Variants in DEPTOR observed in about 807,000 individuals in gnomAD.
The protein encoded by DEPTOR is DEP domain-containing mTOR-interacting protein.
In DEPTOR, 41 loss-of-function variants were observed where a neutral mutation model predicts 41.6. The ratio of observed to expected loss-of-function variants is 0.98; its 90% confidence interval spans 0.77 to 1.28. DEPTOR has a LOEUF of 1.28. DEPTOR is among the 50% of genes most tolerant of loss of function. DEPTOR has a pLI of 0.00. For missense variants in DEPTOR, 514 were observed against 527.9 expected (o/e 0.97, Z 0.26); for synonymous variants, 195 against 192.3 (o/e 1.01, Z -0.12).
chr8:119,928,383 G>C lies in DEPTOR; in HGVS notation c.123-17G>C. The C allele has an allele frequency of 6.2e-7, 1 of 1,605,044 alleles. No homozygotes were observed. The highest frequency in any genetic ancestry group is 8.5e-7 in the Non-Finnish European group (1 of 1,175,940). On this transcript the variant is annotated splice_polypyrimidine_tract_variant and intron_variant, in intron 1 of 8. Transcript: ENST00000286234. ...TGTCATCAGAATTTCCAAAGTAATT[G>C]CTAATTTTTCTTTCAGGCTCAGGCT...
At position 119,929,860 on chromosome 8, in the gene DEPTOR, G is replaced by T; in HGVS notation, c.347G>T (p.Arg116Leu). The change falls in exon 3 of 9, where the codon CGC becomes CTC. Residue 116 changes from arginine (R) to leucine (L), a missense_variant. Arg to Leu is a moderately radical substitution (Grantham distance 102, BLOSUM62 -2). Coordinates refer to ENST00000286234, the MANE Select transcript of DEPTOR (RefSeq NM_022783.4). ...KEFKDVKLFY[R>L]FRKDDGTFPL... ...TTCAAGGATGTCAAACTCTTCTACCGCTTTAGAAAGGATGACGGCACCTTC... is the reference window on the plus strand; with the variant it reads ...TTCAAGGATGTCAAACTCTTCTACCTCTTTAGAAAGGATGACGGCACCTTC... 6.2e-7 allele frequency: 1 copy of T among 1,613,784 alleles called. No homozygotes were observed. The highest frequency in any genetic ancestry group is 8.5e-7 in the Non-Finnish European group (1 of 1,179,808).
chr8:119,906,618 C>A (rs2129770000), intron 1 of DEPTOR, among the ~76,000 whole-genome samples: 1 of 152,272 alleles, frequency 6.6e-6, no homozygotes, highest in African/African-American at 2.4e-5. Flanking sequence ...CTGCTGTATA[C>A]CCCTTGTCTA....
At chr8:120,029,465 G>A (rs1318425628) in intron 8 of DEPTOR, among the ~76,000 whole-genome samples, 3 of 151,792 alleles carry the variant, frequency 2.0e-5, no homozygotes, top group Admixed American at 6.6e-5. Flanking sequence ...GCATGATCTC[G>A]GCTCACTGCA....
intron 3 of DEPTOR, among the ~76,000 whole-genome samples, chr8:119,954,195 G>A (rs753620380): frequency 2.1e-4 from 32 of 151,284 alleles, no homozygotes; most frequent in Non-Finnish European, 4.3e-4. Flanking sequence ...CCAGACTGGA[G>A]CACAGTGGTG....
intron 2 of DEPTOR, 143 bp downstream of exon 2, chr8:119,928,721 C>A: frequency 3.9e-5 from 26 of 668,462 alleles, no homozygotes; most frequent in Non-Finnish European, 5.7e-5. Context: ...CTTCCTGCCT[C>A]TAAGAGGCAT....
chr8:119,953,055 G>A (rs1828373802), intron 3 of DEPTOR, among the ~76,000 whole-genome samples: 1 of 152,100 alleles, frequency 6.6e-6, no homozygotes, highest in Non-Finnish European at 1.5e-5. Context: ...CAATAGCATA[G>A]TACTTAAAAA....
At chr8:120,042,580 A>C (rs1171137061) in intron 8 of DEPTOR, among the ~76,000 whole-genome samples, 1 of 152,096 alleles carries the variant, frequency 6.6e-6, no homozygotes, top group Non-Finnish European at 1.5e-5. Flanking sequence ...GTGCAATGGC[A>C]CTATCTCGGC....
chr8:119,889,674 A>AGGGGGGG (rs1563957808), intron 1 of DEPTOR, among the ~76,000 whole-genome samples: 2 of 13,882 alleles, frequency 1.4e-4, no homozygotes, highest in Non-Finnish European at 3.2e-4. Context: ...GGGAGGGGAG[A>AGGGGGGG]GGAGGGGAGG....
At chr8:120,040,849 C>T (rs1379393975) in intron 8 of DEPTOR, among the ~76,000 whole-genome samples, 1 of 152,150 alleles carries the variant, frequency 6.6e-6, no homozygotes. Flanking sequence ...CAAATGAGTG[C>T]TCTACTTGAT....
intron 3 of DEPTOR, among the ~76,000 whole-genome samples, chr8:119,936,014 T>TA (rs1188647742): frequency 6.6e-6 from 1 of 151,434 alleles, no homozygotes; most frequent in Non-Finnish European, 1.5e-5. Context: ...TTTTTTTTTT[T>TA]TTTTTATCCA....
At chr8:119,888,689 C>G (rs946031450) in intron 1 of DEPTOR, among the ~76,000 whole-genome samples, 1 of 151,958 alleles carries the variant, frequency 6.6e-6, no homozygotes, top group Non-Finnish European at 1.5e-5. Context: ...AACCCCGTCT[C>G]TACTAAAAAT....
intron 4 of DEPTOR, among the ~76,000 whole-genome samples, chr8:119,969,151 A>G (rs193196576): frequency 2.0e-4 from 30 of 152,146 alleles, no homozygotes; most frequent in African/African-American, 6.7e-4. Flanking sequence ...CTCTTATACT[A>G]TGATGTACTG....
chr8:120,030,495 C>T (rs1425221704), intron 8 of DEPTOR, among the ~76,000 whole-genome samples: 2 of 37,098 alleles, frequency 5.4e-5, no homozygotes, highest in Admixed American at 7.7e-4. Context: ...GTAGGTTCAT[C>T]AGTTTTTTTT....
intron 1 of DEPTOR, among the ~76,000 whole-genome samples, chr8:119,913,401 C>G (rs1827769834): frequency 6.6e-6 from 1 of 152,158 alleles, no homozygotes; most frequent in Non-Finnish European, 1.5e-5. Context: ...GGCATTTTCA[C>G]TGGTTTACAG....
chr8:119,894,642 C>T (rs1827493067), intron 1 of DEPTOR, among the ~76,000 whole-genome samples: 2 of 152,058 alleles, frequency 1.3e-5, no homozygotes, highest in African/African-American at 4.8e-5. Context: ...ATGATCTGCC[C>T]ACCTCTGCCT....
chr8:119,932,452 C>T (rs1828057296), intron 3 of DEPTOR, among the ~76,000 whole-genome samples: 1 of 152,206 alleles, frequency 6.6e-6, no homozygotes, highest in South Asian at 2.1e-4. Flanking sequence ...TTCTAGAAAG[C>T]AGACTTACTC....
chr8:119,904,168 A>T (rs377331803), intron 1 of DEPTOR, among the ~76,000 whole-genome samples: 4 of 150,938 alleles, frequency 2.7e-5, no homozygotes, highest in African/African-American at 7.3e-5. Context: ...CCCAGGTTGG[A>T]GTACAGTGGC....
At chr8:120,036,109 A>G (rs1337606541) in intron 8 of DEPTOR, among the ~76,000 whole-genome samples, 2 of 152,166 alleles carry the variant, frequency 1.3e-5, no homozygotes, top group Non-Finnish European at 2.9e-5. Context: ...GTACACCACA[A>G]TCACCCTGTG....
chr8:119,884,646 G>C (rs1262408506), intron 1 of DEPTOR, among the ~76,000 whole-genome samples: 4 of 151,128 alleles, frequency 2.6e-5, no homozygotes, highest in African/African-American at 9.7e-5. Context: ...TACTTAAAAT[G>C]CAAGTTCCTT....
Sources: allele counts gnomAD v4.1 joint callset (sites outside exome capture counted in the v4.1 genomes callset), GRCh38; gene constraint gnomAD v4.1.1; transcripts MANE v1.5; gene names NCBI Gene and HGNC (gene_info 2026-07-23, HGNC 2026-07-21).